NLGN1: variants seen among roughly 807,000 people sequenced by gnomAD.
NLGN1 encodes neuroligin 1.
NLGN1 carries 12 observed loss-of-function variants against 65.5 expected under a neutral mutation model. The ratio of observed to expected loss-of-function variants is 0.18; its 90% CI spans 0.12 to 0.30. The LOEUF is 0.30. NLGN1 is among the 10% of genes least tolerant of loss of function. The pLI, the probability that NLGN1 is intolerant of heterozygous loss-of-function variation, is 1.00. For missense variants in NLGN1, 750 were observed against 1,007.1 expected, an observed-to-expected ratio of 0.74 and a Z score of 3.46; for synonymous variants, 350 against 359.5, an observed-to-expected ratio of 0.97 and a Z score of 0.30.
chr3:174,272,064 C>A (rs1160016857), intron 4 of NLGN1, among the ~76,000 whole-genome samples: 1 of 151,562 alleles, frequency 6.6e-6, no homozygotes, highest in Non-Finnish European at 1.5e-5. Flanking sequence ...AATAATTAGT[C>A]ACACATCCCA....
chr3:173,951,719 C>T (rs1423262254), intron 4 of NLGN1, among the ~76,000 whole-genome samples: 2 of 152,062 alleles, frequency 1.3e-5, no homozygotes, highest in African/African-American at 2.4e-5. Context: ...CCTCGACCTC[C>T]CAAAGTGCTG....
At chr3:173,783,108 T>C (rs1781429493) in intron 3 of NLGN1, among the ~76,000 whole-genome samples, 1 of 151,624 alleles carries the variant, frequency 6.6e-6, no homozygotes, top group South Asian at 2.1e-4. Context: ...AAACAAAGAG[T>C]GGTTACCATA....
intron 4 of NLGN1, among the ~76,000 whole-genome samples, chr3:173,816,441 CTG>C (rs1416608680): frequency 6.6e-6 from 1 of 152,188 alleles, no homozygotes; most frequent in Non-Finnish European, 1.5e-5. Flanking sequence ...TAAAGCAACA[CTG>C]TACTGATGTC....
intron 3 of NLGN1, among the ~76,000 whole-genome samples, chr3:173,736,888 T>G (rs1773860238): frequency 6.6e-6 from 1 of 152,080 alleles, no homozygotes; most frequent in Non-Finnish European, 1.5e-5. Context: ...AATACCTCTG[T>G]TTAATTATGA....
intron 4 of NLGN1, among the ~76,000 whole-genome samples, chr3:173,907,909 G>A (rs1024089163): frequency 4.0e-5 from 6 of 151,806 alleles, no homozygotes; most frequent in Non-Finnish European, 8.8e-5. Flanking sequence ...TAGTAGAGAC[G>A]GGGTTTCACC....
intron 4 of NLGN1, among the ~76,000 whole-genome samples, chr3:174,164,075 C>A (rs1055565216): frequency 2.0e-5 from 3 of 152,066 alleles, no homozygotes; most frequent in Non-Finnish European, 4.4e-5. Flanking sequence ...TCCCTTTTCT[C>A]CACAGCCTCA....
chr3:174,200,975 G>A (rs1154877), intron 4 of NLGN1, among the ~76,000 whole-genome samples: 80,725 of 151,928 alleles, frequency 0.53, 22,167 homozygotes, highest in East Asian at 0.83. Flanking sequence ...GGTTGTTCAC[G>A]CCCGTAATCC....
intron 4 of NLGN1, among the ~76,000 whole-genome samples, chr3:173,958,178 A>G (rs532949504): frequency 3.3e-5 from 5 of 152,320 alleles, no homozygotes; most frequent in South Asian, 2.1e-4. Flanking sequence ...CACCCGCAAC[A>G]TAGCGAGCAA....
chr3:174,036,375 A>G (rs1319531071), intron 4 of NLGN1, among the ~76,000 whole-genome samples: 1 of 152,126 alleles, frequency 6.6e-6, no homozygotes, highest in Admixed American at 6.6e-5. Flanking sequence ...GGTACCTCCT[A>G]TTATATGAAC....
chr3:173,694,728 T>C (rs1027725532), intron 3 of NLGN1, among the ~76,000 whole-genome samples: 1 of 152,192 alleles, frequency 6.6e-6, no homozygotes, highest in Non-Finnish European at 1.5e-5. Context: ...GCCTAGGGCT[T>C]ACAGCACTTC....
intron 2 of NLGN1, among the ~76,000 whole-genome samples, chr3:173,466,243 A>G (rs1724334909): frequency 6.6e-6 from 1 of 152,150 alleles, no homozygotes; most frequent in African/African-American, 2.4e-5. Context: ...GGAGCCTGAG[A>G]TCTGTTTTGA....
intron 2 of NLGN1, among the ~76,000 whole-genome samples, chr3:173,476,348 G>A (rs573652876): frequency 2.6e-5 from 4 of 152,296 alleles, no homozygotes; most frequent in Admixed American, 1.3e-4. Context: ...ATTTGGATAA[G>A]TTTAATGTTG....
At chr3:174,209,781 C>G (rs1424602232) in intron 4 of NLGN1, among the ~76,000 whole-genome samples, 1 of 151,660 alleles carries the variant, frequency 6.6e-6, no homozygotes, top group African/African-American at 2.4e-5. Flanking sequence ...TACTGGCACC[C>G]ACCACCACAT....
At chr3:173,944,069 C>A (rs983839197) in intron 4 of NLGN1, among the ~76,000 whole-genome samples, 7 of 150,050 alleles carry the variant, frequency 4.7e-5, no homozygotes, top group Admixed American at 4.6e-4. Flanking sequence ...GGAACTGAAA[C>A]GTTTTATAAT....
chr3:173,942,180 T>C (rs1746268315), intron 4 of NLGN1, among the ~76,000 whole-genome samples: 1 of 151,478 alleles, frequency 6.6e-6, no homozygotes, highest in Admixed American at 6.6e-5. Context: ...AATATGTGTA[T>C]ATATATATAC....
intron 3 of NLGN1, among the ~76,000 whole-genome samples, chr3:173,622,451 G>A (rs1054416095): frequency 6.6e-6 from 1 of 151,954 alleles, no homozygotes. Context: ...CAGAATGTGG[G>A]ACATGAAGTA....
intron 3 of NLGN1, among the ~76,000 whole-genome samples, chr3:173,706,261 C>T (rs561335681): frequency 2.4e-4 from 36 of 152,248 alleles, no homozygotes; most frequent in African/African-American, 8.2e-4. Context: ...TCATTCCCCT[C>T]TTCACTTAAC....
At chr3:173,813,687 C>T (rs1193496743) in intron 4 of NLGN1, among the ~76,000 whole-genome samples, 1 of 152,130 alleles carries the variant, frequency 6.6e-6, no homozygotes, top group African/African-American at 2.4e-5. Flanking sequence ...AAAGTTAGGT[C>T]ATGAATATGT....
intron 2 of NLGN1, among the ~76,000 whole-genome samples, chr3:173,496,241 A>G (rs1253897853): frequency 1.3e-5 from 2 of 151,764 alleles, no homozygotes; most frequent in Admixed American, 6.6e-5. Context: ...TGTGGCTGCC[A>G]TCATGGGCTC....
Sources: gnomAD v4.1 joint callset for allele counts (sites outside exome capture counted in the v4.1 genomes callset) on GRCh38, gnomAD v4.1.1 for gene constraint, MANE v1.5 for transcripts, NCBI Gene and HGNC (gene_info 2026-07-23, HGNC 2026-07-21) for gene names.